The following ZNRF2 variants were observed in gnomAD, a reference collection of about 807,000 sequenced individuals.
ZNRF2 encodes the protein E3 ubiquitin-protein ligase ZNRF2.
In ZNRF2, 16 loss-of-function variants were observed where a neutral mutation model predicts 20.4. The observed-to-expected ratio is 0.79, with a 90% CI of 0.53 to 1.19. The LOEUF (loss-of-function observed/expected upper bound fraction) is 1.19. ZNRF2 is among the 50% of genes most tolerant of loss of function. ZNRF2 has a pLI of 0.00. For missense variants in ZNRF2, 363 were observed against 332.4 expected (o/e 1.09, Z -0.72); for synonymous variants, 178 against 144.9 (o/e 1.23, Z -1.64).
intron 2 of ZNRF2, among the ~76,000 whole-genome samples, chr7:30,325,365 T>G (rs1799535967): frequency 6.6e-6 from 1 of 152,172 alleles, no homozygotes; most frequent in Non-Finnish European, 1.5e-5. Flanking sequence ...ATCAATTATG[T>G]GCGAGGTACT....
At position 30,340,655 on chromosome 7, in the gene ZNRF2, G is replaced by A. The variant is rs553149406; in HGVS notation, c.566-15073G>A. 3.9e-5 allele frequency among the ~76,000 whole-genome samples: 6 copies of A among 152,182 alleles called. No individual in the cohort carries two copies. In the East Asian group the frequency reaches 7.7e-4, roughly 20 times the overall value. ...TTCAGTTTTCCAGTATTTTATTGAGGATTTTCGCATCGATGTTCATCAGGG... is the reference window on the plus strand; with the variant it reads ...TTCAGTTTTCCAGTATTTTATTGAGAATTTTCGCATCGATGTTCATCAGGG... On this transcript the variant is annotated intron_variant, in intron 2 of 4. Coordinates refer to ENST00000323037, the MANE Select transcript of ZNRF2 (RefSeq NM_147128.4).
rs1339385875 is a variant in ZNRF2, at chr7:30,367,555, C to T, written c.*1543C>T. The T allele has an allele frequency of 6.6e-6, 1 of 151,930 alleles. No individual in the cohort carries two copies. The highest frequency in any genetic ancestry group is 2.4e-5 in the African/African-American group (1 of 41,416). The allele number at this position is 151,930 out of a possible 1,614,324, so 9.4% of individuals were successfully genotyped here. ...TTTATTTAACGCTGCTACTCTTAAT[C>T]TTCTCTAAATTTTTCCCCCTACTTT... On this transcript the variant is annotated 3_prime_UTR_variant, in exon 5 of 5. Transcript: ENST00000323037.
At chr7:30,286,880 T>G (rs1290466023) in intron 1 of ZNRF2, among the ~76,000 whole-genome samples, 2 of 152,216 alleles carry the variant, frequency 1.3e-5, no homozygotes, top group African/African-American at 4.8e-5. Flanking sequence ...GTGCCGCTTT[T>G]ACTTATATAT....
intron 1 of ZNRF2, among the ~76,000 whole-genome samples, chr7:30,322,420 C>T (rs903398841): frequency 1.3e-5 from 2 of 152,102 alleles, no homozygotes; most frequent in Admixed American, 1.3e-4. Context: ...TAGAGAGCTG[C>T]CAAAACGTCT....
chr7:30,292,077 G>A (rs534638324), intron 1 of ZNRF2, among the ~76,000 whole-genome samples: 1 of 152,164 alleles, frequency 6.6e-6, no homozygotes, highest in African/African-American at 2.4e-5. Flanking sequence ...ATATGTATTT[G>A]TTTTAGACAC....
intron 1 of ZNRF2, among the ~76,000 whole-genome samples, chr7:30,300,213 A>G (rs572260266): frequency 4.2e-4 from 63 of 148,336 alleles, no homozygotes; most frequent in African/African-American, 1.5e-3. Flanking sequence ...CAGTGGCACA[A>G]TCTTGGCTCA....
chr7:30,304,830 T>C (rs776536461), intron 1 of ZNRF2, among the ~76,000 whole-genome samples: 2 of 152,134 alleles, frequency 1.3e-5, no homozygotes, highest in African/African-American at 2.4e-5. Context: ...AATAAAGGAC[T>C]AGGGTGAGTT....
chr7:30,285,903 C>G (rs73685987), intron 1 of ZNRF2, 77 bp downstream of exon 1: 1 of 1,354,596 alleles, frequency 7.4e-7, no homozygotes, highest in Admixed American at 3.8e-5. Flanking sequence ...GCTATTTTTA[C>G]CCTTCTCCTT....
chr7:30,319,981 T>C (rs1562611685), intron 1 of ZNRF2, among the ~76,000 whole-genome samples: 1 of 152,196 alleles, frequency 6.6e-6, no homozygotes, highest in Non-Finnish European at 1.5e-5. Flanking sequence ...CTATAGTTGT[T>C]TACACATATT....
intron 1 of ZNRF2, among the ~76,000 whole-genome samples, chr7:30,315,388 A>C (rs1336818284): frequency 6.6e-6 from 1 of 152,170 alleles, no homozygotes; most frequent in East Asian, 1.9e-4. Flanking sequence ...GCTATGAGAG[A>C]GATCTGGTAG....
rs929394621 is a variant in ZNRF2, at chr7:30,319,509, A to G, written c.470-4133A>G. Among the ~76,000 whole-genome samples, 38 of 152,268 alleles carry G rather than the reference A, an allele frequency of 2.5e-4. 1 individual carries two copies. Among genetic ancestry groups the G allele is most frequent in the Admixed American group, 2.2e-3 (33 of 15,290 alleles). Reference sequence around the variant, plus strand: ...TAGAAACAGGATTTTTACCAGGTCTATTGGGCCTCACATTTCTGTATTTTC... The same window carrying G: ...TAGAAACAGGATTTTTACCAGGTCTGTTGGGCCTCACATTTCTGTATTTTC... On this transcript the variant is annotated intron_variant, in intron 1 of 4. Coordinates refer to ENST00000323037, the MANE Select transcript of ZNRF2 (RefSeq NM_147128.4).
At chr7:30,298,786 A>G (rs190088585) in intron 1 of ZNRF2, among the ~76,000 whole-genome samples, 6 of 152,300 alleles carry the variant, frequency 3.9e-5, no homozygotes, top group African/African-American at 1.4e-4. Flanking sequence ...ACAGCTCCTT[A>G]CGCAGACTGG....
At chr7:30,344,603 A>G (rs558803374) in intron 2 of ZNRF2, among the ~76,000 whole-genome samples, 8 of 152,186 alleles carry the variant, frequency 5.3e-5, no homozygotes, top group South Asian at 4.1e-4. Context: ...AATTTTTGCT[A>G]GGTAGATACT....
intron 2 of ZNRF2, among the ~76,000 whole-genome samples, chr7:30,346,642 C>T (rs796098548): frequency 3.3e-5 from 5 of 151,702 alleles, no homozygotes; most frequent in Admixed American, 6.6e-5. Flanking sequence ...GTTTTTTCAC[C>T]GTACTCCCAT....
At chr7:30,363,638 C>G (rs1013670285) in intron 4 of ZNRF2, among the ~76,000 whole-genome samples, 20 of 151,998 alleles carry the variant, frequency 1.3e-4, no homozygotes, top group African/African-American at 4.8e-4. Flanking sequence ...AATAAAGTTG[C>G]ATTTTACGAC....
chr7:30,312,408 G>A (rs1014812659), intron 1 of ZNRF2, among the ~76,000 whole-genome samples: 25 of 152,186 alleles, frequency 1.6e-4, no homozygotes, highest in African/African-American at 5.1e-4. Context: ...TGTGGAAAGT[G>A]AGACATAAAT....
chr7:30,298,695 C>T (rs1016206286), intron 1 of ZNRF2, among the ~76,000 whole-genome samples: 1 of 152,192 alleles, frequency 6.6e-6, no homozygotes, highest in Non-Finnish European at 1.5e-5. Context: ...TTTTCCCTTT[C>T]CTAATAACAA....
At chr7:30,323,554 C>G in intron 1 of ZNRF2, 88 bp from the exon 2 acceptor site, 1 of 882,220 alleles carries the variant, frequency 1.1e-6, no homozygotes, top group Non-Finnish European at 1.7e-6. Flanking sequence ...ATTGAAGTTT[C>G]AAACGCTTTT....
intron 2 of ZNRF2, among the ~76,000 whole-genome samples, chr7:30,349,800 A>C (rs1562620195): frequency 6.6e-6 from 1 of 152,098 alleles, no homozygotes. Context: ...ATTTTACTTC[A>C]AAGTATACTT....
Sources: gnomAD v4.1 joint callset for allele counts (sites outside exome capture counted in the v4.1 genomes callset) on GRCh38, gnomAD v4.1.1 for gene constraint, MANE v1.5 for transcripts, NCBI Gene and HGNC (gene_info 2026-07-23, HGNC 2026-07-21) for gene names.